Variants in MN1 observed in about 807,000 individuals in gnomAD.
The protein encoded by MN1 is transcriptional activator MN1.
A neutral mutation model predicts 86.9 loss-of-function variants in MN1; 19 were observed. The ratio of observed to expected loss-of-function variants is 0.22; its 90% confidence interval spans 0.15 to 0.32. MN1 has a LOEUF of 0.32. Ranked by LOEUF, MN1 falls within the 10% of genes least tolerant of loss-of-function variation. MN1 has a pLI of 1.00. For missense variants in MN1, 1,841 were observed against 1,862.0 expected (o/e 0.99, Z 0.21); for synonymous variants, 928 against 849.6 (o/e 1.09, Z -1.60).
rs766819572 is a variant in MN1 at position 27,750,981 on chromosome 22, G to A, written c.3897C>T (p.Pro1299=). Residue 1299 remains proline (P), a synonymous_variant, in exon 2 of 2, where the codon CCC becomes CCT. Transcript: ENST00000302326. The stretch of plus-strand genomic sequence containing the variant: ...TGTCAGAATGCAGGGACCGCCAGGT[G>A]GGCACGGAGGCTCGAGCCTTGGCGT... The part of the protein sequence containing the change: ...VGDAKARASV[P]TWRSLHSDIS... 2 of 1,613,108 alleles carry A rather than the reference G, an allele frequency of 1.2e-6. No homozygotes were observed. The highest frequency in any genetic ancestry group is 4.5e-5 in the East Asian group (2 of 44,822).
chr22:27,774,151 C>T (rs1932947113), intron 1 of MN1, among the ~76,000 whole-genome samples: 1 of 152,198 alleles, frequency 6.6e-6, no homozygotes, highest in South Asian at 2.1e-4. Flanking sequence ...ATAATAATCC[C>T]TGAGGTCTAA....
Position 27,798,976 on chromosome 22 carries a change from T to G in MN1, c.1568A>C (p.Gln523Pro), listed in dbSNP as rs1328372805. The change falls in exon 1 of 2, where the codon CAA (glutamine) becomes CCA (proline). Residue 523 changes from glutamine to proline, a missense_variant. Gln to Pro is a moderately conservative substitution (Grantham distance 76, BLOSUM62 -1). Transcript: ENST00000302326. Reference protein sequence around the residue: ...QHPAPDHQSLQQQQQQQQQQQ... With the variant: ...QHPAPDHQSLPQQQQQQQQQQ... The stretch of plus-strand genomic sequence containing the variant: ...CTGCTGCTGCTGCTGCTGCTGCTGT[T>G]GCAGGGACTGGTGGTCCGGGGCCGG... The G allele has an allele frequency of 1.9e-6, 3 of 1,604,478 alleles. No homozygotes were observed. The highest frequency in any genetic ancestry group is 1.7e-5 in the Admixed American group (1 of 58,704).
intron 1 of MN1, among the ~76,000 whole-genome samples, chr22:27,769,758 G>T (rs779423276): frequency 6.6e-6 from 1 of 151,274 alleles, no homozygotes; most frequent in East Asian, 2.0e-4. Context: ...GTTTCACCGC[G>T]TTACCCAGGA....
In MN1 at chr22:27,770,920, A is replaced by G. The variant is rs554415214; in HGVS notation, c.3782-19824T>C. ...GCAATTCTTCCCACCTCAGCCTCCC[A>G]AAGTGCTGGGATTACAGGCGGGAGC... is the stretch of plus-strand genomic sequence containing the variant. On this transcript the variant is annotated intron_variant, in intron 1 of 1. Coordinates refer to ENST00000302326, the MANE Select transcript of MN1 (RefSeq NM_002430.3). 3.3e-3 allele frequency among the ~76,000 whole-genome samples: 503 copies of G among 152,138 alleles called. 3 individuals are homozygous for G. Among genetic ancestry groups the G allele is most frequent in the Admixed American group, 6.5e-3 (100 of 15,286 alleles).
At chr22:27,770,769 C>T (rs1005341463) in intron 1 of MN1, among the ~76,000 whole-genome samples, 1 of 151,116 alleles carries the variant, frequency 6.6e-6, no homozygotes, top group South Asian at 2.1e-4. Flanking sequence ...AGCAATCCCC[C>T]ACCTCAACCT....
chr22:27,777,437 G>A (rs572633294), intron 1 of MN1, among the ~76,000 whole-genome samples: 18 of 152,174 alleles, frequency 1.2e-4, no homozygotes, highest in African/African-American at 4.3e-4. Context: ...GGAGGCTGAG[G>A]TGGGAGGATC....
In MN1 at chr22:27,799,390, T is replaced by A; in HGVS notation, c.1154A>T (p.Glu385Val). 6.5e-7 allele frequency: 1 copy of A among 1,528,478 alleles called. No homozygotes were observed. The highest frequency in any genetic ancestry group is 8.8e-7 in the Non-Finnish European group (1 of 1,142,042). The allele number at this position is 1,528,478 out of a possible 1,614,324, so 94.7% of individuals were successfully genotyped here. The change falls in exon 1 of 2, where the codon GAG becomes GTG. Residue 385 changes from glutamate to valine, a missense_variant. Physicochemically the swap from Glu to Val is moderately radical, Grantham distance 121 (BLOSUM62 -2). Transcript: ENST00000302326. Reference protein sequence around the residue: ...PPALPRPQQGEAGTPSGGLQD... With the variant: ...PPALPRPQQGVAGTPSGGLQD... ...CAGGCCGCCGCTGGGCGTGCCCGCC[T>A]CGCCCTGCTGGGGCCGAGGGAGCGC...
chr22:27,752,880 A>G (rs538468146), intron 1 of MN1, among the ~76,000 whole-genome samples: 31 of 152,222 alleles, frequency 2.0e-4, no homozygotes, highest in African/African-American at 7.0e-4. Context: ...CCTGCCCTCA[A>G]TCCTCTGTGC....
At chr22:27,794,814 G>GT (rs1276490713) in intron 1 of MN1, among the ~76,000 whole-genome samples, 508 of 33,092 alleles carry the variant, frequency 0.015, 5 homozygotes, top group African/African-American at 0.079. Flanking sequence ...AATCAGGGTT[G>GT]TTGTTTTTTT....
At chr22:27,784,680 T>C (rs1234005542) in intron 1 of MN1, among the ~76,000 whole-genome samples, 1 of 152,238 alleles carries the variant, frequency 6.6e-6, no homozygotes, top group Non-Finnish European at 1.5e-5. Context: ...ATGGTTTTTC[T>C]GCATAAGCCA....
chr22:27,774,862 C>G (rs1932956808), intron 1 of MN1, among the ~76,000 whole-genome samples: 1 of 152,134 alleles, frequency 6.6e-6, no homozygotes, highest in Non-Finnish European at 1.5e-5. Context: ...GCAGACTAGA[C>G]CCCCTGTCAC....
intron 1 of MN1, among the ~76,000 whole-genome samples, chr22:27,771,514 G>A (rs963626165): frequency 1.5e-4 from 23 of 151,918 alleles, no homozygotes; most frequent in South Asian, 2.1e-4. Context: ...AGCGTGAGCC[G>A]CCACCCTGGC....
chr22:27,785,902 T>C (rs1291965133), intron 1 of MN1, among the ~76,000 whole-genome samples: 1 of 152,204 alleles, frequency 6.6e-6, no homozygotes, highest in Non-Finnish European at 1.5e-5. Context: ...CAGACACCAA[T>C]GTCCATTAGA....
intron 1 of MN1, among the ~76,000 whole-genome samples, chr22:27,791,183 A>G (rs1171523762): frequency 6.6e-6 from 1 of 152,094 alleles, no homozygotes; most frequent in East Asian, 1.9e-4. Flanking sequence ...CCCCTGAGAT[A>G]CAGACCCAGA....
chr22:27,786,654 T>C (rs1055091751), intron 1 of MN1, among the ~76,000 whole-genome samples: 3 of 152,154 alleles, frequency 2.0e-5, no homozygotes, highest in African/African-American at 4.8e-5. Context: ...CCCGTGTTCT[T>C]TGGCCGTCTC....
chr22:27,776,273 G>C lies in MN1; in HGVS notation c.3781+20490C>G, dbSNP rs45583839. On this transcript the variant is annotated intron_variant, in intron 1 of 1. Coordinates refer to ENST00000302326, the MANE Select transcript of MN1 (RefSeq NM_002430.3). ...TTGGGGGATTCACTTAGAGGTCCCA[G>C]GGGGAGCTCAATCCCGTCTCGAGGA... Among the ~76,000 whole-genome samples, 6 of 152,302 alleles carry C rather than the reference G, an allele frequency of 3.9e-5. No homozygotes were observed. In the East Asian group the frequency reaches 1.2e-3, roughly 29 times the overall value.
chr22:27,760,117 A>G (rs1171459398), intron 1 of MN1, among the ~76,000 whole-genome samples: 1 of 152,180 alleles, frequency 6.6e-6, no homozygotes. Flanking sequence ...TGTGAGACCA[A>G]GGTGGGTGGA....
intron 1 of MN1, among the ~76,000 whole-genome samples, chr22:27,795,668 G>GAT (rs1204268619): frequency 6.6e-6 from 1 of 151,704 alleles, no homozygotes; most frequent in Non-Finnish European, 1.5e-5. Context: ...GAAGCCATTA[G>GAT]ATATATATAG....
chr22:27,798,318 G>A lies in MN1; in HGVS notation c.2226C>T (p.Gly742=). ...CTGCACCAAACGGAAAGCCCGGCTG[G>A]CCCCCGAGCGCAGACGTAGCAAAGT... ...PPDFATSALG[G]QPGFPFGAAG... The change falls in exon 1 of 2, where the codon GGC becomes GGT. Residue 742 remains glycine, a synonymous_variant. Coordinates refer to ENST00000302326, the MANE Select transcript of MN1 (RefSeq NM_002430.3). 3 of 1,519,132 alleles carry A rather than the reference G, an allele frequency of 2.0e-6. No individual in the cohort carries two copies. The highest frequency in any genetic ancestry group is 1.2e-5 in the South Asian group (1 of 82,512). The allele number at this position is 1,519,132 out of a possible 1,614,324, so 94.1% of individuals were successfully genotyped here.
Sources: allele counts gnomAD v4.1 joint callset (sites outside exome capture counted in the v4.1 genomes callset), GRCh38; gene constraint gnomAD v4.1.1; transcripts MANE v1.5; gene names NCBI Gene and HGNC (gene_info 2026-07-23, HGNC 2026-07-21).